Variants in CFAP20DC observed in about 807,000 individuals in gnomAD.
CFAP20DC encodes the protein CFAP20 domain containing.
A neutral mutation model predicts 101.7 loss-of-function variants in CFAP20DC; 84 were observed. The observed-to-expected ratio is 0.83, with a 90% CI of 0.69 to 0.99. The LOEUF is 0.99. Ranked by LOEUF, CFAP20DC falls within the 50% of genes least tolerant of loss-of-function variation. The probability of loss-of-function intolerance (pLI) is 0.00; values close to 1 mark genes in which losing one functional copy is unlikely to be tolerated. For missense variants in CFAP20DC, 1,007 were observed against 970.3 expected (o/e 1.04, Z -0.50); for synonymous variants, 359 against 351.2 (o/e 1.02, Z -0.25).
rs1016537010 is a variant in CFAP20DC at position 58,732,425 on chromosome 3, C to T, written c.198-14797G>A. ...ATGTGATCAGGTGGCAGAGTGACAA[C>T]CTGAACCTCGAGTGGTCCAGGATGA... On this transcript the variant is annotated intron_variant, in intron 3 of 3. Transcript: ENST00000486145. The surrounding 1 kb of genome is among the most constrained non-coding windows in gnomAD (Gnocchi z 5.4). 6.6e-6 allele frequency among the ~76,000 whole-genome samples: 1 copy of T among 152,176 alleles called. No individual in the cohort carries two copies. Among genetic ancestry groups the T allele is most frequent in the South Asian group, 2.1e-4 (1 of 4,828 alleles).
intron 4 of CFAP20DC, among the ~76,000 whole-genome samples, chr3:58,954,545 T>C (rs2090450113): frequency 6.6e-6 from 1 of 152,238 alleles, no homozygotes; most frequent in African/African-American, 2.4e-5. Flanking sequence ...TGTTTAAATA[T>C]GTAAAACGTT....
At chr3:58,779,928 C>A (rs949120393) in intron 15 of CFAP20DC, among the ~76,000 whole-genome samples, 4 of 152,018 alleles carry the variant, frequency 2.6e-5, no homozygotes, top group Admixed American at 1.3e-4. Context: ...TGTCAAAAAT[C>A]AAAAACAAAG....
Position 58,859,233 on chromosome 3 carries a change from C to T in CFAP20DC, c.1593+4325G>A, listed in dbSNP as rs1019506279. ...CCAAATTACTTTCATGACATCTTTACCTATAGCAAATGATACTTTACAGAC... is the reference window on the plus strand; with the variant it reads ...CCAAATTACTTTCATGACATCTTTATCTATAGCAAATGATACTTTACAGAC... On this transcript the variant is annotated intron_variant, in intron 12 of 16. Transcript: ENST00000482387. The surrounding 1 kb of genome is among the most constrained non-coding windows in gnomAD (Gnocchi z 4.1). Among the ~76,000 whole-genome samples the T allele has an allele frequency of 6.6e-6, 1 of 152,146 alleles. No individual in the cohort carries two copies. The highest frequency in any genetic ancestry group is 1.5e-5 in the Non-Finnish European group (1 of 68,028).
At chr3:58,930,850 A>G (rs956390165) in intron 5 of CFAP20DC, among the ~76,000 whole-genome samples, 11 of 152,266 alleles carry the variant, frequency 7.2e-5, no homozygotes, top group African/African-American at 2.6e-4. Context: ...GACGCAGAAG[A>G]CGGGTGATTT....
At position 58,874,953 on chromosome 3, in the gene CFAP20DC, G is replaced by A. The variant is rs779690930; in HGVS notation, c.716-4644C>T. Among the ~76,000 whole-genome samples the A allele has an allele frequency of 1.8e-4, 27 of 152,168 alleles. No individual in the cohort carries two copies. Among genetic ancestry groups the A allele is most frequent in the Non-Finnish European group, 3.7e-4 (25 of 68,040 alleles). On this transcript the variant is annotated intron_variant, in intron 7 of 16. Transcript: ENST00000482387. The surrounding 1 kb of genome is among the most constrained non-coding windows in gnomAD (Gnocchi z 5.1). ...TTAAATGAAATGAGTCAGAAGGGAA[G>A]TTGGATTAAATGACTCAAAAATGTC...
intron 15 of CFAP20DC, among the ~76,000 whole-genome samples, chr3:58,787,845 G>C (rs1010053794): frequency 4.6e-5 from 7 of 152,102 alleles, no homozygotes; most frequent in Non-Finnish European, 8.8e-5. Context: ...CAGGGACATG[G>C]ATGAAGCCGG....
Position 58,913,569 on chromosome 3 carries a change from A to C in CFAP20DC, c.550+139T>G. The C allele has an allele frequency of 1.3e-6, 1 of 791,398 alleles. No individual in the cohort carries two copies. The highest frequency in any genetic ancestry group is 2.1e-6 in the Non-Finnish European group (1 of 467,752). The allele number at this position is 791,398 out of a possible 1,614,324, so 49.0% of individuals were successfully genotyped here. A position where few individuals can be genotyped will look rare whatever the true frequency, so the allele number is the denominator to read the frequency against. On this transcript the variant is annotated intron_variant, in intron 6 of 16. Transcript: ENST00000482387. The surrounding 1 kb of genome is among the most constrained non-coding windows in gnomAD (Gnocchi z 4.4). Reference sequence around the variant, plus strand: ...TAAACATTTGATCTAGAACAAAGAAATCAGCATGACTGTTGACAAATTTAC... The same window carrying C: ...TAAACATTTGATCTAGAACAAAGAACTCAGCATGACTGTTGACAAATTTAC...
At chr3:58,790,593 G>A (rs2072765875) in intron 15 of CFAP20DC, among the ~76,000 whole-genome samples, 1 of 152,166 alleles carries the variant, frequency 6.6e-6, no homozygotes, top group Non-Finnish European at 1.5e-5. Context: ...GAAGGCTATA[G>A]CAATAGTCCA....
rs1313070100 is a variant in CFAP20DC, at chr3:59,006,218, C to T, written c.278+33339G>A. Among the ~76,000 whole-genome samples the T allele has an allele frequency of 6.6e-6, 1 of 151,942 alleles. No individual in the cohort carries two copies. Among genetic ancestry groups the T allele is most frequent in the African/African-American group, 2.4e-5 (1 of 41,352 alleles). On this transcript the variant is annotated intron_variant, in intron 4 of 16. Coordinates refer to ENST00000482387, the MANE Select transcript of CFAP20DC (RefSeq NM_001394063.1). This position sits in a 1 kb window ranked among gnomAD's most constrained non-coding sequence, Gnocchi z 4.3. ...GTGGCAAAAGGCTGCTACTGTCATC[C>T]CAGCAACCAGAATAAGCCAAGAAAA...
chr3:58,973,523 T>A (rs1224381971), intron 4 of CFAP20DC, among the ~76,000 whole-genome samples: 1 of 152,176 alleles, frequency 6.6e-6, no homozygotes, highest in Non-Finnish European at 1.5e-5. Context: ...CCATCTTACA[T>A]GGGGATCAGA....
At position 59,008,728 on chromosome 3, in the gene CFAP20DC, G is replaced by A. The variant is rs534235707; in HGVS notation, c.278+30829C>T. On this transcript the variant is annotated intron_variant, in intron 4 of 16. Coordinates refer to ENST00000482387, the MANE Select transcript of CFAP20DC (RefSeq NM_001394063.1). ...ACTGTTGTGGGGTGGGAGGAGGGGG[G>A]AGGGATAGCATTAGGAGATATACCT... Among the ~76,000 whole-genome samples the A allele has an allele frequency of 2.6e-5, 4 of 152,020 alleles. No individual in the cohort carries two copies. The East Asian group carries it at 5.8e-4, about 22-fold the overall frequency.
intron 12 of CFAP20DC, 50 bp from the exon 13 acceptor site, chr3:58,849,459 A>G (rs2078024665): frequency 7.4e-7 from 1 of 1,354,456 alleles, no homozygotes; most frequent in Non-Finnish European, 9.8e-7. Flanking sequence ...ATTTGTGGTG[A>G]ATAAGTTACT....
intron 14 of CFAP20DC, among the ~76,000 whole-genome samples, chr3:58,829,320 CAAAA>C (rs551685231): frequency 1.7e-5 from 1 of 59,684 alleles, no homozygotes; most frequent in Non-Finnish European, 3.6e-5. Flanking sequence ...GACTCAGTCT[CAAAA>C]AAAAAAAAAA....
At chr3:58,850,456 T>C (rs1161932140) in intron 12 of CFAP20DC, among the ~76,000 whole-genome samples, 1 of 151,730 alleles carries the variant, frequency 6.6e-6, no homozygotes, top group Non-Finnish European at 1.5e-5. Flanking sequence ...GGCGTGGTGA[T>C]GCTTGCCTGT....
At chr3:58,891,251 C>T (rs868075303) in intron 6 of CFAP20DC, among the ~76,000 whole-genome samples, 7 of 151,982 alleles carry the variant, frequency 4.6e-5, no homozygotes, top group South Asian at 2.1e-4. Flanking sequence ...AGCGAAACCC[C>T]GTCTCCACCA....
At chr3:58,934,903 G>A (rs552033298) in intron 5 of CFAP20DC, among the ~76,000 whole-genome samples, 9 of 152,280 alleles carry the variant, frequency 5.9e-5, no homozygotes, top group African/African-American at 1.9e-4. Flanking sequence ...ATTCAACATA[G>A]TGTTGGAAGT....
intron 6 of CFAP20DC, among the ~76,000 whole-genome samples, chr3:58,890,152 C>A (rs1235443979): frequency 6.6e-6 from 1 of 150,788 alleles, no homozygotes; most frequent in Non-Finnish European, 1.5e-5. Context: ...CCCCTCACCT[C>A]CCGGACGGGG....
rs572404199 is a variant in CFAP20DC, at chr3:58,894,086, C to T, written c.551-9377G>A. Among the ~76,000 whole-genome samples the T allele has an allele frequency of 1.2e-4, 18 of 152,278 alleles. No individual in the cohort carries two copies. The highest frequency in any genetic ancestry group is 2.4e-4 in the Non-Finnish European group (16 of 68,008). On this transcript the variant is annotated intron_variant, in intron 6 of 16. Coordinates refer to ENST00000482387, the MANE Select transcript of CFAP20DC (RefSeq NM_001394063.1). The surrounding 1 kb of genome is among the most constrained non-coding windows in gnomAD (Gnocchi z 4.1). Reference sequence around the variant, plus strand: ...ACCTGCCCCCATGATGCAATTACCTCCTACTGAGTCCCTCCCACAACACGT... The same window carrying T: ...ACCTGCCCCCATGATGCAATTACCTTCTACTGAGTCCCTCCCACAACACGT...
At chr3:58,958,677 T>C (rs984535247) in intron 4 of CFAP20DC, among the ~76,000 whole-genome samples, 3 of 152,210 alleles carry the variant, frequency 2.0e-5, no homozygotes, top group Non-Finnish European at 2.9e-5. Context: ...TATCTCATTA[T>C]GGCTTTAATT....
Sources: gnomAD v4.1 joint callset for allele counts (sites outside exome capture counted in the v4.1 genomes callset) on GRCh38, gnomAD v4.1.1 for gene constraint, Gnocchi (gnomAD v3.1) non-coding constraint, MANE v1.5 for transcripts, NCBI Gene and HGNC (gene_info 2026-07-23, HGNC 2026-07-21) for gene names.